Variants in FSTL4 observed in about 807,000 individuals in gnomAD.
FSTL4 encodes the protein follistatin like 4, also known as follistatin-related protein 4.
A neutral mutation model predicts 78.2 loss-of-function variants in FSTL4; 28 were observed. The ratio of observed to expected loss-of-function variants is 0.36; its 90% CI spans 0.27 to 0.49. The LOEUF (loss-of-function observed/expected upper bound fraction) is 0.49. Ranked by LOEUF, FSTL4 falls within the 20% of genes least tolerant of loss-of-function variation. The pLI is 0.98. For missense variants in FSTL4, 922 were observed against 1,084.9 expected (o/e 0.85, Z 2.11); for synonymous variants, 422 against 440.5 (o/e 0.96, Z 0.53).
At chr5:133,779,820 T>C in the FSTL4 span, among the ~76,000 whole-genome samples, 1 of 152,142 alleles carries the variant, frequency 6.6e-6, no homozygotes, top group Non-Finnish European at 1.5e-5. Flanking sequence ...CATTCCTGAC[T>C]CAGGGTCTGT....
At chr5:133,488,944 T>G (rs933135216) in intron 3 of FSTL4, among the ~76,000 whole-genome samples, 1 of 152,188 alleles carries the variant, frequency 6.6e-6, no homozygotes, top group Non-Finnish European at 1.5e-5. Flanking sequence ...GCTCCTGCTG[T>G]AGGACCTATC....
chr5:133,255,356 G>C (rs1430665436), intron 6 of FSTL4, among the ~76,000 whole-genome samples: 1 of 152,236 alleles, frequency 6.6e-6, no homozygotes, highest in East Asian at 1.9e-4. Context: ...ACATTGGAGA[G>C]CTGCTCTGCA....
chr5:133,622,279 A>G, the FSTL4 span, among the ~76,000 whole-genome samples: 1 of 152,194 alleles, frequency 6.6e-6, no homozygotes. Context: ...TGGAAGTGCC[A>G]CATTTGTTTA....
At chr5:133,223,774 G>A (rs1235467656) in intron 11 of FSTL4, among the ~76,000 whole-genome samples, 1 of 151,848 alleles carries the variant, frequency 6.6e-6, no homozygotes, top group Non-Finnish European at 1.5e-5. Context: ...TTTTCCTCGG[G>A]TTTTCCTCAA....
intron 4 of FSTL4, among the ~76,000 whole-genome samples, chr5:133,382,225 C>T (rs1481905641): frequency 2.0e-5 from 3 of 152,218 alleles, no homozygotes; most frequent in African/African-American, 7.2e-5. Flanking sequence ...GCCTTCCCTA[C>T]ATCACTGACT....
chr5:133,197,940 T>TATTG lies in FSTL4; in HGVS notation c.*1151_*1154dup, dbSNP rs1750192608. On this transcript the variant is annotated 3_prime_UTR_variant, in exon 16 of 16. Transcript: ENST00000265342. ...TGTTCTGGGTTCTGCAGTGTGTGTG[T>TATTG]ATTGATTGGGGAATGTGGGTAAGAA... 1 of 152,694 alleles carries TATTG rather than the reference T, an allele frequency of 6.5e-6. No homozygotes were observed. The highest frequency in any genetic ancestry group is 6.6e-5 in the Admixed American group (1 of 15,266). The allele number at this position is 152,694 out of a possible 1,614,324, so 9.5% of individuals were successfully genotyped here. A position where few individuals can be genotyped will look rare whatever the true frequency, so the allele number is the denominator to read the frequency against.
chr5:133,764,206 C>T, the FSTL4 span, among the ~76,000 whole-genome samples: 39 of 152,238 alleles, frequency 2.6e-4, no homozygotes, highest in Non-Finnish European at 5.1e-4. Context: ...TTTCCTTCCT[C>T]CTTCCTGCCC....
chr5:133,697,673 G>T, the FSTL4 span, among the ~76,000 whole-genome samples: 46 of 152,336 alleles, frequency 3.0e-4, no homozygotes, highest in African/African-American at 1.0e-3. Flanking sequence ...TAGATGGCAG[G>T]CTTCAGCAGT....
intron 3 of FSTL4, among the ~76,000 whole-genome samples, chr5:133,428,936 A>G (rs568826885): frequency 2.0e-5 from 3 of 152,332 alleles, no homozygotes; most frequent in East Asian, 1.9e-4. Context: ...AGCTTCCCCA[A>G]GTCTCAGCTG....
intron 3 of FSTL4, among the ~76,000 whole-genome samples, chr5:133,542,187 C>T (rs1171504253): frequency 6.6e-6 from 1 of 152,086 alleles, no homozygotes; most frequent in African/African-American, 2.4e-5. Flanking sequence ...TTTTCTTACA[C>T]TAATAAATGA....
chr5:133,483,407 G>T (rs1758068478), intron 3 of FSTL4, among the ~76,000 whole-genome samples: 1 of 152,218 alleles, frequency 6.6e-6, no homozygotes. Context: ...CTACATGTGT[G>T]TGGACTGCAG....
chr5:133,672,062 C>T, the FSTL4 span, among the ~76,000 whole-genome samples: 1 of 152,170 alleles, frequency 6.6e-6, no homozygotes, highest in African/African-American at 2.4e-5. Flanking sequence ...ACACTAAGGT[C>T]GTACAACTAG....
At chr5:133,755,145 C>T in the FSTL4 span, among the ~76,000 whole-genome samples, 1 of 152,072 alleles carries the variant, frequency 6.6e-6, no homozygotes, top group Non-Finnish European at 1.5e-5. Flanking sequence ...CCTTCTCTAC[C>T]CATCACTCCC....
the FSTL4 span, among the ~76,000 whole-genome samples, chr5:133,623,540 A>G: frequency 1.3e-5 from 2 of 152,006 alleles, no homozygotes; most frequent in Non-Finnish European, 2.9e-5. Flanking sequence ...TAAAAACCTA[A>G]ACTCTTGGGG....
intron 3 of FSTL4, among the ~76,000 whole-genome samples, chr5:133,450,142 A>T (rs546254148): frequency 6.6e-6 from 1 of 152,348 alleles, no homozygotes; most frequent in East Asian, 1.9e-4. Flanking sequence ...AAACACAAAT[A>T]CTAGTCTTTC....
chr5:133,595,347 T>C (rs1269339705), intron 2 of FSTL4, among the ~76,000 whole-genome samples: 1 of 152,248 alleles, frequency 6.6e-6, no homozygotes, highest in African/African-American at 2.4e-5. Flanking sequence ...GGATTTCTTA[T>C]GTAAGGAGTC....
rs1351169665 is a variant in FSTL4 at position 133,253,386 on chromosome 5, C to CTGGA, written c.728-3811_728-3810insTCCA. On this transcript the variant is annotated intron_variant, in intron 6 of 15. Transcript: ENST00000265342. ...GGCCTTGGCAGCTCCCTTCCTGTCA[C>CTGGA]TGGGCCTCAGTTTAGACATGGATAC... Among the ~76,000 whole-genome samples the CTGGA allele has an allele frequency of 1.5e-3, 230 of 152,358 alleles. 1 individual carries two copies. The South Asian group carries it at 0.035, about 23-fold the overall frequency.
chr5:133,813,998 C>T, the FSTL4 span, among the ~76,000 whole-genome samples: 1 of 152,160 alleles, frequency 6.6e-6, no homozygotes, highest in African/African-American at 2.4e-5. Flanking sequence ...CAAATCTCTC[C>T]CCTGACTCCT....
chr5:133,603,530 T>A (rs1388547453), intron 2 of FSTL4, among the ~76,000 whole-genome samples: 2 of 152,244 alleles, frequency 1.3e-5, no homozygotes. Flanking sequence ...GCTCCACCAA[T>A]TACTCTGCAT....
Sources: allele counts gnomAD v4.1 joint callset (sites outside exome capture counted in the v4.1 genomes callset), GRCh38; gene constraint gnomAD v4.1.1; transcripts MANE v1.5; gene names NCBI Gene and HGNC (gene_info 2026-07-23, HGNC 2026-07-21).